UBR3: variants seen among roughly 807,000 people sequenced by gnomAD.
The protein encoded by UBR3 is ubiquitin protein ligase E3 component n-recognin 3, also known as E3 ubiquitin-protein ligase UBR3.
In UBR3, 85 loss-of-function variants were observed where a neutral mutation model predicts 243.2. The ratio of observed to expected loss-of-function variants is 0.35; its 90% CI spans 0.29 to 0.42. UBR3 has a LOEUF of 0.42. UBR3 is among the 10% of genes least tolerant of loss of function. The pLI is 1.00. For missense variants in UBR3, 1,686 were observed against 2,300.8 expected (o/e 0.73, Z 5.47); for synonymous variants, 748 against 799.8 (o/e 0.94, Z 1.09).
chr2:169,913,129 C>G (rs2085318432), intron 10 of UBR3, among the ~76,000 whole-genome samples: 1 of 152,102 alleles, frequency 6.6e-6, no homozygotes, highest in South Asian at 2.1e-4. Context: ...GTCTCATCAG[C>G]AATATATGAG....
chr2:169,922,578 A>C (rs937702514), intron 11 of UBR3, among the ~76,000 whole-genome samples: 1 of 152,132 alleles, frequency 6.6e-6, no homozygotes, highest in African/African-American at 2.4e-5. Flanking sequence ...AATTGAAACT[A>C]TACTCATTAA....
chr2:170,034,403 C>G (rs916615113), intron 31 of UBR3, among the ~76,000 whole-genome samples: 3 of 152,046 alleles, frequency 2.0e-5, no homozygotes, highest in African/African-American at 7.2e-5. Context: ...TTACCTTTTC[C>G]GGAATGTCAT....
At chr2:169,983,146 CTG>C (rs2088821441) in intron 24 of UBR3, among the ~76,000 whole-genome samples, 1 of 151,032 alleles carries the variant, frequency 6.6e-6, no homozygotes, top group African/African-American at 2.4e-5. Context: ...GAGAGAGAAA[CTG>C]TGCAAGGTGG....
intron 24 of UBR3, among the ~76,000 whole-genome samples, chr2:169,960,869 A>G (rs1314903308): frequency 1.3e-5 from 2 of 152,138 alleles, no homozygotes; most frequent in Non-Finnish European, 2.9e-5. Context: ...AATGTGCTAC[A>G]TAATGGTTCT....
chr2:169,954,086 A>G lies in UBR3; in HGVS notation c.3545+4021A>G, dbSNP rs146706477. Among the ~76,000 whole-genome samples, 602 of 152,332 alleles carry G rather than the reference A, an allele frequency of 4.0e-3. 5 individuals are homozygous for G. The highest frequency in any genetic ancestry group is 0.014 in the African/African-American group (565 of 41,574). Reference sequence around the variant, plus strand: ...CAGGAAGTTCTTTGTACCCTCAACTATCAGAATTAGCAGATTGATAGTGGT... The same window carrying G: ...CAGGAAGTTCTTTGTACCCTCAACTGTCAGAATTAGCAGATTGATAGTGGT... On this transcript the variant is annotated intron_variant, in intron 23 of 38. Coordinates refer to ENST00000272793, the MANE Select transcript of UBR3 (RefSeq NM_172070.4).
At chr2:170,048,562 T>C (rs959803844) in intron 32 of UBR3, among the ~76,000 whole-genome samples, 3 of 152,194 alleles carry the variant, frequency 2.0e-5, no homozygotes, top group African/African-American at 7.2e-5. Flanking sequence ...TGCTCTTGGC[T>C]TATGCTAGAG....
At chr2:170,043,762 G>GCAGT (rs2091021541) in intron 32 of UBR3, among the ~76,000 whole-genome samples, 1 of 152,130 alleles carries the variant, frequency 6.6e-6, no homozygotes, top group African/African-American at 2.4e-5. Context: ...TAGGTATTTA[G>GCAGT]CAGTCATTAA....
chr2:169,929,430 G>C (rs1009462020), intron 18 of UBR3, among the ~76,000 whole-genome samples: 1 of 152,066 alleles, frequency 6.6e-6, no homozygotes, highest in Non-Finnish European at 1.5e-5. Context: ...AAAAAAATTA[G>C]TCAGGCATGG....
At chr2:169,843,836 A>G (rs1387872700) in intron 1 of UBR3, among the ~76,000 whole-genome samples, 1 of 151,996 alleles carries the variant, frequency 6.6e-6, no homozygotes, top group African/African-American at 2.4e-5. Flanking sequence ...CCTCCTCTTT[A>G]TTTTGTAAGA....
At chr2:169,954,309 C>T (rs1022220403) in intron 23 of UBR3, among the ~76,000 whole-genome samples, 7 of 151,994 alleles carry the variant, frequency 4.6e-5, no homozygotes, top group Admixed American at 1.3e-4. Context: ...GGTATGATCA[C>T]GGCTCACTGC....
intron 5 of UBR3, among the ~76,000 whole-genome samples, chr2:169,881,217 T>A (rs2083808272): frequency 6.6e-6 from 1 of 152,156 alleles, no homozygotes; most frequent in African/African-American, 2.4e-5. Flanking sequence ...TCTTGCTACA[T>A]TGCTCAGGCT....
intron 8 of UBR3, among the ~76,000 whole-genome samples, chr2:169,904,052 T>C (rs1472934041): frequency 6.6e-6 from 1 of 152,170 alleles, no homozygotes; most frequent in African/African-American, 2.4e-5. Flanking sequence ...CTCTTTAAAA[T>C]AGAGTTAGAA....
chr2:169,937,234 G>A (rs1345595188), intron 19 of UBR3, among the ~76,000 whole-genome samples: 1 of 152,184 alleles, frequency 6.6e-6, no homozygotes, highest in Admixed American at 6.5e-5. Flanking sequence ...TTGTGGTTTT[G>A]ATTTGCATTT....
At chr2:169,875,638 A>G (rs1168064667) in intron 2 of UBR3, among the ~76,000 whole-genome samples, 153 bp from the exon 3 acceptor site, 1 of 152,234 alleles carries the variant, frequency 6.6e-6, no homozygotes, top group African/African-American at 2.4e-5. Context: ...GGCAGATACC[A>G]ATTTCTAAAC....
chr2:170,062,453 A>T (rs913348577), intron 35 of UBR3, among the ~76,000 whole-genome samples: 3 of 152,182 alleles, frequency 2.0e-5, no homozygotes, highest in African/African-American at 7.2e-5. Flanking sequence ...TTTCATTTTT[A>T]TCAAGTGCTT....
intron 30 of UBR3, among the ~76,000 whole-genome samples, chr2:170,021,630 T>C (rs2090395215): frequency 1.3e-5 from 2 of 151,998 alleles, no homozygotes; most frequent in South Asian, 4.2e-4. Flanking sequence ...TCCATTGCAG[T>C]TTTTTTTAAG....
intron 27 of UBR3, among the ~76,000 whole-genome samples, chr2:170,006,275 T>C (rs889665004): frequency 6.6e-6 from 1 of 152,198 alleles, no homozygotes; most frequent in Admixed American, 6.5e-5. Flanking sequence ...GAAGGAAAAA[T>C]GTATCTTAAC....
intron 3 of UBR3, among the ~76,000 whole-genome samples, chr2:169,876,328 C>T (rs951019391): frequency 6.6e-6 from 1 of 152,106 alleles, no homozygotes; most frequent in African/African-American, 2.4e-5. Flanking sequence ...GATCCGCCCG[C>T]CTTGGCCTTC....
At chr2:170,075,926 A>C (rs75756823) in intron 36 of UBR3, among the ~76,000 whole-genome samples, 7 of 152,158 alleles carry the variant, frequency 4.6e-5, no homozygotes, top group East Asian at 3.8e-4. Flanking sequence ...AAAAAAAAAA[A>C]AACAGGATTC....
Sources: allele counts gnomAD v4.1 joint callset (sites outside exome capture counted in the v4.1 genomes callset), GRCh38; gene constraint gnomAD v4.1.1; transcripts MANE v1.5; gene names NCBI Gene and HGNC (gene_info 2026-07-23, HGNC 2026-07-21).